TSPYL4: variants seen among roughly 807,000 people sequenced by gnomAD.
TSPYL4 encodes testis-specific Y-encoded-like protein 4.
A neutral mutation model predicts 24.2 loss-of-function variants in TSPYL4; 22 were observed. That is an observed-to-expected ratio of 0.91 (90% confidence interval 0.65 to 1.30). The LOEUF (loss-of-function observed/expected upper bound fraction) is 1.30, where lower values mean the gene tolerates loss of function less well. TSPYL4 is among the 50% of genes most tolerant of loss of function. The pLI is 0.00. For missense variants in TSPYL4, 569 were observed against 536.7 expected (o/e 1.06, Z -0.60); for synonymous variants, 211 against 208.2 (o/e 1.01, Z -0.12).
In TSPYL4 at chr6:116,252,575, C is replaced by T; in HGVS notation, c.*189G>A. 1 of 686,966 alleles carries T rather than the reference C, an allele frequency of 1.5e-6. No individual in the cohort carries two copies. Among genetic ancestry groups the T allele is most frequent in the Non-Finnish European group, 2.4e-6 (1 of 423,000 alleles). The allele number at this position is 686,966 out of a possible 1,614,324, so 42.6% of individuals were successfully genotyped here. On this transcript the variant is annotated 3_prime_UTR_variant, in exon 1 of 1. Transcript: ENST00000420283. ...CACAATGCAGAAAAGCATGAAGGCC[C>T]AGAGGAAGAATGGCACAGGCAGGTA...
rs753768829 is a variant in TSPYL4 at position 116,253,868 on chromosome 6, C to T, written c.141G>A (p.Ala47=). 6.2e-7 allele frequency: 1 copy of T among 1,613,766 alleles called. No individual in the cohort carries two copies. Residue 47 remains alanine (A), a synonymous_variant, in exon 1 of 1, where the codon GCG becomes GCA. Coordinates refer to ENST00000420283, the MANE Select transcript of TSPYL4 (RefSeq NM_021648.5). The surrounding 1 kb of genome is among the most constrained non-coding windows in gnomAD (Gnocchi z 4.3). ...REETEATQVM[A]NTGGGSLETV... ...TCTCCAGGCTGCCCCCACCTGTGTT[C>T]GCCATCACCTGTGTCGCCTCGGTTT...
Position 116,253,144 on chromosome 6 carries a change from G to A in TSPYL4, c.865C>T (p.His289Tyr). 1.2e-6 allele frequency: 2 copies of A among 1,614,012 alleles called. No individual in the cohort carries two copies. Among genetic ancestry groups the A allele is most frequent in the Non-Finnish European group, 1.7e-6 (2 of 1,179,940 alleles). The change falls in exon 1 of 1, where the codon CAC becomes TAC. Residue 289 changes from histidine to tyrosine, a missense_variant. Coordinates refer to ENST00000420283, the MANE Select transcript of TSPYL4 (RefSeq NM_021648.5). This position sits in a 1 kb window ranked among gnomAD's most constrained non-coding sequence, Gnocchi z 4.3. ...MINLEVEELK[H>Y]PRAGCKFKFI... ...TTGAATTTGCAGCCTGCTCTGGGGTGTTTAAGCTCCTCCACCTCCAAATTG... is the reference window on the plus strand; with the variant it reads ...TTGAATTTGCAGCCTGCTCTGGGGTATTTAAGCTCCTCCACCTCCAAATTG...
Position 116,253,989 on chromosome 6 carries a change from C to G in TSPYL4, c.20G>C (p.Gly7Ala), listed in dbSNP as rs375497924. ...GGTTTGGGCGAGAGGGAGCTTGTTG[C>G]CCCCATCCAGGCCGCTCATTTTGGA... is the stretch of plus-strand genomic sequence containing the variant. Reference protein sequence around the residue: MSGLDGGNKLPLAQTGG... With the variant: MSGLDGANKLPLAQTGG... The change falls in exon 1 of 1, where the codon GGC (glycine) becomes GCC (alanine). Residue 7 changes from glycine to alanine, a missense_variant. Coordinates refer to ENST00000420283, the MANE Select transcript of TSPYL4 (RefSeq NM_021648.5). This position sits in a 1 kb window ranked among gnomAD's most constrained non-coding sequence, Gnocchi z 4.3. The G allele has an allele frequency of 6.3e-7, 1 of 1,587,466 alleles. No homozygotes were observed. Among genetic ancestry groups the G allele is most frequent in the Admixed American group, 1.8e-5 (1 of 56,432 alleles).
In TSPYL4 at chr6:116,251,338, C is replaced by G. The variant is rs1771948029; in HGVS notation, c.*1426G>C. The G allele has an allele frequency of 2.5e-6, 1 of 398,508 alleles. No homozygotes were observed. Among genetic ancestry groups the G allele is most frequent in the Admixed American group, 4.4e-5 (1 of 22,724 alleles). The allele number at this position is 398,508 out of a possible 1,614,324, so 24.7% of individuals were successfully genotyped here. A position where few individuals can be genotyped will look rare whatever the true frequency, so the allele number is the denominator to read the frequency against. On this transcript the variant is annotated 3_prime_UTR_variant, in exon 1 of 1. Coordinates refer to ENST00000420283, the MANE Select transcript of TSPYL4 (RefSeq NM_021648.5). ...TCTCAAACTAAAAACTCAAGAAATA[C>G]ACAGGTTTTGGTAGAATGGATGGGG...
At position 116,252,793 on chromosome 6, in the gene TSPYL4, C is replaced by T. The variant is rs1337501324; in HGVS notation, c.1216G>A (p.Ala406Thr). 24 of 1,597,870 alleles carry T rather than the reference C, an allele frequency of 1.5e-5. No individual in the cohort carries two copies. The highest frequency in any genetic ancestry group is 3.5e-5 in the Admixed American group (2 of 57,770). ...RGPPRQPVES[A>T]RSFRFQSG ...CCAGACTGGAACCTGAAGGATCTGG[C>T]GCTCTCCACTGGCTGCCTTGGTGGG... is the stretch of plus-strand genomic sequence containing the variant. Residue 406 changes from alanine to threonine, a missense_variant, in exon 1 of 1, where the codon GCC becomes ACC. Transcript: ENST00000420283.
rs1200293450 is a variant in TSPYL4 at position 116,253,215 on chromosome 6, G to A, written c.794C>T (p.Ser265Leu). 3.7e-6 allele frequency: 6 copies of A among 1,613,964 alleles called. No homozygotes were observed. The African/African-American group carries it at 6.7e-5, about 18-fold the overall frequency. ...VTAFRNHPQL[S>L]PMISGQDEDM... ...TTCATCTTGGCCACTGATCATAGGTGACAGCTGGGGGTGGTTTCGAAAGGC... is the reference window on the plus strand; with the variant it reads ...TTCATCTTGGCCACTGATCATAGGTAACAGCTGGGGGTGGTTTCGAAAGGC... Residue 265 changes from serine (S) to leucine (L), a missense_variant, in exon 1 of 1, where the codon TCA (serine) becomes TTA (leucine). Ser to Leu is a moderately radical substitution (Grantham distance 145). Coordinates refer to ENST00000420283, the MANE Select transcript of TSPYL4 (RefSeq NM_021648.5). This position sits in a 1 kb window ranked among gnomAD's most constrained non-coding sequence, Gnocchi z 4.3.
At position 116,253,959 on chromosome 6, in the gene TSPYL4, C is replaced by T. The variant is rs757305705; in HGVS notation, c.50G>A (p.Gly17Asp). Residue 17 changes from glycine (G) to aspartate (D), a missense_variant, in exon 1 of 1, where the codon GGC becomes GAC. Coordinates refer to ENST00000420283, the MANE Select transcript of TSPYL4 (RefSeq NM_021648.5). This position sits in a 1 kb window ranked among gnomAD's most constrained non-coding sequence, Gnocchi z 4.3. ...TGAGGCATGGTCGGGAGCAGCCAGG[C>T]CGCCGGTTTGGGCGAGAGGGAGCTT... ...GNKLPLAQTG[G>D]LAAPDHASGD... 53 of 1,603,156 alleles carry T rather than the reference C, an allele frequency of 3.3e-5. No homozygotes were observed. Among genetic ancestry groups the T allele is most frequent in the Non-Finnish European group, 4.4e-5 (52 of 1,174,974 alleles).
chr6:116,253,197 T>A lies in TSPYL4; in HGVS notation c.812A>T (p.Gln271Leu). 6.2e-7 allele frequency: 1 copy of A among 1,614,126 alleles called. No homozygotes were observed. The change falls in exon 1 of 1, where the codon CAA (glutamine) becomes CTA (leucine). Residue 271 changes from glutamine to leucine, a missense_variant. Transcript: ENST00000420283. The surrounding 1 kb of genome is among the most constrained non-coding windows in gnomAD (Gnocchi z 4.3). ...HPQLSPMISGQDEDMLRYMIN... is the reference protein window; with the variant it reads ...HPQLSPMISGLDEDMLRYMIN... ...CATGTACCTCAGCATGTCTTCATCTTGGCCACTGATCATAGGTGACAGCTG... is the reference window on the plus strand; with the variant it reads ...CATGTACCTCAGCATGTCTTCATCTAGGCCACTGATCATAGGTGACAGCTG...
In TSPYL4 at chr6:116,250,303, C is replaced by T. The variant is rs1242328411; in HGVS notation, c.*2461G>A. 4 of 152,556 alleles carry T rather than the reference C, an allele frequency of 2.6e-5. No homozygotes were observed. Among genetic ancestry groups the T allele is most frequent in the African/African-American group, 9.7e-5 (4 of 41,426 alleles). 9.5% of individuals were successfully genotyped at this position (152,556 alleles called of 1,614,324 possible). A position where few individuals can be genotyped will look rare whatever the true frequency, so the allele number is the denominator to read the frequency against. On this transcript the variant is annotated 3_prime_UTR_variant, in exon 1 of 1. Coordinates refer to ENST00000420283, the MANE Select transcript of TSPYL4 (RefSeq NM_021648.5). ...GAACAGAGAGCAAAACAAGCTAATA[C>T]ATTAATGAATATTCACTGAATTCTT...
rs1256284576 is a variant in TSPYL4 at position 116,252,803 on chromosome 6, T to C, written c.1206A>G (p.Pro402=). The change falls in exon 1 of 1, where the codon CCA becomes CCG. Residue 402 remains proline, a synonymous_variant. Transcript: ENST00000420283. ...RRGIRGPPRQ[P]VESARSFRFQ... is the part of the protein sequence containing the mutation. ...ACCTGAAGGATCTGGCGCTCTCCAC[T>C]GGCTGCCTTGGTGGGCCTCGAATTC... 6.3e-7 allele frequency: 1 copy of C among 1,599,238 alleles called. No individual in the cohort carries two copies.
In TSPYL4 at chr6:116,253,766, G is replaced by A; in HGVS notation, c.243C>T (p.Arg81=). 6.3e-7 allele frequency: 1 copy of A among 1,599,418 alleles called. No individual in the cohort carries two copies. The highest frequency in any genetic ancestry group is 2.3e-5 in the East Asian group (1 of 44,314). Residue 81 remains arginine (R), a synonymous_variant, in exon 1 of 1, where the codon CGC becomes CGT. Transcript: ENST00000420283. This position sits in a 1 kb window ranked among gnomAD's most constrained non-coding sequence, Gnocchi z 4.3. ...PALRVPVAGS[R]GGAATKAGQE... Reference sequence around the variant, plus strand: ...GCCCGGCTTTGGTCGCTGCACCGCCGCGACTCCCGGCAACTGGGACGCGGA... The same window carrying A: ...GCCCGGCTTTGGTCGCTGCACCGCCACGACTCCCGGCAACTGGGACGCGGA...
rs1178304642 is a variant in TSPYL4, at chr6:116,252,826, T to C, written c.1183A>G (p.Ile395Val). 2.4e-5 allele frequency: 38 copies of C among 1,598,790 alleles called. No homozygotes were observed. Among genetic ancestry groups the C allele is most frequent in the Non-Finnish European group, 3.2e-5 (37 of 1,172,044 alleles). Residue 395 changes from isoleucine to valine, a missense_variant, in exon 1 of 1, where the codon ATT (isoleucine) becomes GTT (valine). Ile to Val is a conservative substitution (Grantham distance 29, BLOSUM62 3). Transcript: ENST00000420283. ...ACTGGCTGCCTTGGTGGGCCTCGAA[T>C]TCCTCTACGGGGCCCTTCACCCATC... ...YLMGEGPRRG[I>V]RGPPRQPVES...
Position 116,253,003 on chromosome 6 carries a change from G to C in TSPYL4, c.1006C>G (p.Gln336Glu). 1 of 1,614,182 alleles carries C rather than the reference G, an allele frequency of 6.2e-7. No individual in the cohort carries two copies. Among genetic ancestry groups the C allele is most frequent in the Non-Finnish European group, 8.5e-7 (1 of 1,180,040 alleles). Residue 336 changes from glutamine (Q) to glutamate (E), a missense_variant, in exon 1 of 1, where the codon CAA becomes GAA. Physicochemically the swap from Gln to Glu is conservative, Grantham distance 29. Coordinates refer to ENST00000420283, the MANE Select transcript of TSPYL4 (RefSeq NM_021648.5). The surrounding 1 kb of genome is among the most constrained non-coding windows in gnomAD (Gnocchi z 4.3). ...LSTPIRWHRG[Q>E]DPQAHIHRNR... is the part of the protein sequence containing the mutation. ...CTGTGGATATGAGCCTGGGGGTCTTGGCCTCGGTGCCAGCGGATTGGAGTG... is the reference window on the plus strand; with the variant it reads ...CTGTGGATATGAGCCTGGGGGTCTTCGCCTCGGTGCCAGCGGATTGGAGTG...
In TSPYL4 at chr6:116,251,555, TAAAC is replaced by T. The variant is rs1771951015; in HGVS notation, c.*1205_*1208del. ...GAACACAATCAGGGAAAGAGCAAAT[TAAAC>T]AAAAAGCCTGCTTTGCCAGTTTTGT... is the stretch of plus-strand genomic sequence containing the variant. On this transcript the variant is annotated 3_prime_UTR_variant, in exon 1 of 1. Transcript: ENST00000420283. The T allele has an allele frequency of 8.6e-6, 2 of 232,230 alleles. No individual in the cohort carries two copies. Among genetic ancestry groups the T allele is most frequent in the Non-Finnish European group, 8.0e-6 (1 of 125,008 alleles). 14.4% of individuals were successfully genotyped at this position (232,230 alleles called of 1,614,324 possible).
In TSPYL4 at chr6:116,253,187, GTCT is replaced by G; in HGVS notation, c.819_821del (p.Glu273del). 1 of 1,614,048 alleles carries G rather than the reference GTCT, an allele frequency of 6.2e-7. No homozygotes were observed. The highest frequency in any genetic ancestry group is 8.5e-7 in the Non-Finnish European group (1 of 1,179,956). ...CCAAATTGATCATGTACCTCAGCAT[GTCT>G]TCATCTTGGCCACTGATCATAGGTG... is the stretch of plus-strand genomic sequence containing the variant. On this transcript the variant is annotated inframe_deletion, in exon 1 of 1. Coordinates refer to ENST00000420283, the MANE Select transcript of TSPYL4 (RefSeq NM_021648.5). This position sits in a 1 kb window ranked among gnomAD's most constrained non-coding sequence, Gnocchi z 4.3.
chr6:116,251,400 C>T lies in TSPYL4; in HGVS notation c.*1364G>A. 1 of 396,072 alleles carries T rather than the reference C, an allele frequency of 2.5e-6. No homozygotes were observed. The highest frequency in any genetic ancestry group is 4.4e-6 in the Non-Finnish European group (1 of 225,010). 24.5% of individuals were successfully genotyped at this position (396,072 alleles called of 1,614,324 possible). A position where few individuals can be genotyped will look rare whatever the true frequency, so the allele number is the denominator to read the frequency against. Reference sequence around the variant, plus strand: ...ATATGTCAAAATCTGCCTAATTTAACACTGCCTATAACTAAACAATTAACC... The same window carrying T: ...ATATGTCAAAATCTGCCTAATTTAATACTGCCTATAACTAAACAATTAACC... On this transcript the variant is annotated 3_prime_UTR_variant, in exon 1 of 1. Transcript: ENST00000420283.
Position 116,253,662 on chromosome 6 carries a change from C to T in TSPYL4, c.347G>A (p.Gly116Asp), listed in dbSNP as rs752625664. The change falls in exon 1 of 1, where the codon GGC becomes GAC. Residue 116 changes from glycine to aspartate, a missense_variant. Physicochemically the swap from Gly to Asp is moderately conservative, Grantham distance 94. Coordinates refer to ENST00000420283, the MANE Select transcript of TSPYL4 (RefSeq NM_021648.5). This position sits in a 1 kb window ranked among gnomAD's most constrained non-coding sequence, Gnocchi z 4.3. ...GCCACGGGGCTCTCCAAGCTGACAGCCATTTTTCTGGCTGCTGTCAGCAGC... is the reference window on the plus strand; with the variant it reads ...GCCACGGGGCTCTCCAAGCTGACAGTCATTTTTCTGGCTGCTGTCAGCAGC... ...AEAADSSQKN[G>D]CQLGEPRGPA... 1.9e-6 allele frequency: 3 copies of T among 1,556,458 alleles called. No homozygotes were observed. Among genetic ancestry groups the T allele is most frequent in the East Asian group, 4.8e-5 (2 of 41,544 alleles).
Position 116,250,339 on chromosome 6 carries a change from A to G in TSPYL4, c.*2425T>C, listed in dbSNP as rs1771928164. ...ATTCACTGAATTCTTCATACTGCAC[A>G]GGACACAAATTTGGTATTTTTGCAC... On this transcript the variant is annotated 3_prime_UTR_variant, in exon 1 of 1. Transcript: ENST00000420283. The G allele has an allele frequency of 6.5e-6, 1 of 152,678 alleles. No homozygotes were observed. Among genetic ancestry groups the G allele is most frequent in the Non-Finnish European group, 1.5e-5 (1 of 68,038 alleles). The allele number at this position is 152,678 out of a possible 1,614,324, so 9.5% of individuals were successfully genotyped here.
rs1207498651 is a variant in TSPYL4 at position 116,252,496 on chromosome 6, T to C, written c.*268A>G. On this transcript the variant is annotated 3_prime_UTR_variant, in exon 1 of 1. Transcript: ENST00000420283. ...GCAGTATGGTACACTATATCTATAG[T>C]ATCATACGCTTGGCATAGAAGCCGT... The C allele has an allele frequency of 4.2e-6, 2 of 470,954 alleles. No homozygotes were observed. Among genetic ancestry groups the C allele is most frequent in the Admixed American group, 3.5e-5 (1 of 28,272 alleles). The allele number at this position is 470,954 out of a possible 1,614,324, so 29.2% of individuals were successfully genotyped here.
Sources: gnomAD v4.1 joint callset for allele counts on GRCh38, gnomAD v4.1.1 for gene constraint, Gnocchi (gnomAD v3.1) non-coding constraint, MANE v1.5 for transcripts, NCBI Gene and HGNC (gene_info 2026-07-23, HGNC 2026-07-21) for gene names.